CCDC170: variants seen among roughly 807,000 people sequenced by gnomAD.
The protein encoded by CCDC170 is coiled-coil domain containing 170.
CCDC170 carries 69 observed loss-of-function variants against 72.6 expected under a neutral mutation model. That is an observed-to-expected ratio of 0.95 (90% CI 0.78 to 1.16). CCDC170 has a LOEUF of 1.16. CCDC170 is among the 50% of genes most tolerant of loss of function. CCDC170 has a pLI of 0.00. For missense variants in CCDC170, 852 were observed against 832.5 expected, an observed-to-expected ratio of 1.02 and a Z score of -0.29; for synonymous variants, 300 against 303.9, an observed-to-expected ratio of 0.99 and a Z score of 0.13.
In CCDC170 at chr6:151,619,563, C is replaced by T. The variant is rs1777027225; in HGVS notation, c.*1416C>T. 1 of 152,030 alleles carries T rather than the reference C, an allele frequency of 6.6e-6. No individual in the cohort carries two copies. 9.4% of individuals were successfully genotyped at this position (152,030 alleles called of 1,614,324 possible). ...AAGAAATAGATCTGGTGCACCCGAA[C>T]ATTAGGAGAAAATGAAAAATATACA... On this transcript the variant is annotated 3_prime_UTR_variant, in exon 11 of 11. Transcript: ENST00000239374.
rs143566047 is a variant in CCDC170, at chr6:151,618,075, C to G, written c.2076C>G (p.Thr692=). Residue 692 remains threonine, a synonymous_variant, in exon 11 of 11, where the codon ACC becomes ACG. Coordinates refer to ENST00000239374, the MANE Select transcript of CCDC170 (RefSeq NM_025059.4). ...LVHSHQHHFV[T]CACLKDVTTG... is the part of the protein sequence containing the mutation. Reference sequence around the variant, plus strand: ...ATTCACATCAGCATCACTTTGTTACCTGTGCCTGCCTCAAAGATGTGACTA... The same window carrying G: ...ATTCACATCAGCATCACTTTGTTACGTGTGCCTGCCTCAAAGATGTGACTA... 2,955 of 1,614,142 alleles carry G rather than the reference C, an allele frequency of 1.8e-3. 4 individuals carry two copies. The highest frequency in any genetic ancestry group is 2.1e-3 in the Non-Finnish European group (2,495 of 1,180,022).
chr6:151,615,297 A>C, intron 9 of CCDC170, 146 bp from the exon 10 acceptor site: 1 of 692,546 alleles, frequency 1.4e-6, no homozygotes, highest in Non-Finnish European at 2.5e-6. Context: ...TATGCTTAGC[A>C]AAATCTCTAA....
At position 151,575,750 on chromosome 6, in the gene CCDC170, G is replaced by A. The variant is rs370147454; in HGVS notation, c.1092+2259G>A. Among the ~76,000 whole-genome samples, 864 of 151,766 alleles carry A rather than the reference G, an allele frequency of 5.7e-3. 12 individuals carry two copies. The highest frequency in any genetic ancestry group is 0.02 in the African/African-American group (832 of 41,416). On this transcript the variant is annotated intron_variant, in intron 6 of 10. Coordinates refer to ENST00000239374, the MANE Select transcript of CCDC170 (RefSeq NM_025059.4). ...TCACCATGTTGGCCAGGATGGTCTC[G>A]ATCTCTTGACCTTGTGATCCACCCG...
chr6:151,566,228 C>T lies in CCDC170; in HGVS notation c.775-6946C>T, dbSNP rs1206998272. 2.6e-5 allele frequency among the ~76,000 whole-genome samples: 4 copies of T among 152,322 alleles called. No individual in the cohort carries two copies. The East Asian group carries it at 7.7e-4, about 29-fold the overall frequency. On this transcript the variant is annotated intron_variant, in intron 5 of 10. Transcript: ENST00000239374. ...CTCTGAAGATTCCATTCTATTGGCT[C>T]ATGGGCCTGAGCAGGAGAAACCTAA...
intron 1 of CCDC170, among the ~76,000 whole-genome samples, chr6:151,531,436 C>CT (rs1267646360): frequency 6.6e-6 from 1 of 152,136 alleles, no homozygotes; most frequent in Non-Finnish European, 1.5e-5. Flanking sequence ...AACCCTGTCT[C>CT]TACCAAAAAT....
chr6:151,494,102 C>T lies in CCDC170; in HGVS notation c.-27C>T. On this transcript the variant is annotated 5_prime_UTR_variant, in exon 1 of 11. Transcript: ENST00000239374. Reference sequence around the variant, plus strand: ...GCTTCCTCAGGGCCGGTTCCGGGTCCGAGCGCGCCCCCGGGCTCGGGTCGT... The same window carrying T: ...GCTTCCTCAGGGCCGGTTCCGGGTCTGAGCGCGCCCCCGGGCTCGGGTCGT... 6.7e-7 allele frequency: 1 copy of T among 1,491,276 alleles called. No homozygotes were observed. Among genetic ancestry groups the T allele is most frequent in the Non-Finnish European group, 8.9e-7 (1 of 1,127,704 alleles). The allele number at this position is 1,491,276 out of a possible 1,614,324, so 92.4% of individuals were successfully genotyped here.
intron 2 of CCDC170, among the ~76,000 whole-genome samples, chr6:151,537,342 G>A (rs1782605496): frequency 6.6e-6 from 1 of 152,206 alleles, no homozygotes; most frequent in Non-Finnish European, 1.5e-5. Context: ...GATAATGTGT[G>A]TGTGAATAAA....
At chr6:151,536,773 CAAAAAAAAAAAAAAAAAAA>C (rs55663799) in intron 2 of CCDC170, among the ~76,000 whole-genome samples, 2 of 79,260 alleles carry the variant, frequency 2.5e-5, no homozygotes, top group Non-Finnish European at 4.4e-5. Context: ...GACTCCATCT[CAAAAAAAAAAAAAAAAAAA>C]AAAAAAGAAA....
intron 7 of CCDC170, 103 bp downstream of exon 7, chr6:151,586,192 T>G: frequency 8.9e-7 from 1 of 1,128,306 alleles, no homozygotes; most frequent in Non-Finnish European, 1.2e-6. Context: ...GGTTAAGTCC[T>G]GGACTTAATT....
At chr6:151,560,540 G>A (rs1783060416) in intron 5 of CCDC170, among the ~76,000 whole-genome samples, 1 of 152,058 alleles carries the variant, frequency 6.6e-6, no homozygotes, top group Admixed American at 6.5e-5. Flanking sequence ...TTAATGATCT[G>A]CCTATTGCTG....
chr6:151,541,884 ATATTTT>A lies in CCDC170; in HGVS notation c.444-2686_444-2681del, dbSNP rs1369955332. 1.9e-4 allele frequency among the ~76,000 whole-genome samples: 6 copies of A among 32,060 alleles called. No homozygotes were observed. The East Asian group carries it at 3.1e-3, about 16-fold the overall frequency. The allele number at this position is 32,060 out of a possible 152,430, so 21.0% of individuals were successfully genotyped here. Reference sequence around the variant, plus strand: ...AATATAAATATATATATATATATATATATTTTTTTTTTTAAGACAGAGTCTTGCTTT... The same window carrying A: ...AATATAAATATATATATATATATATATTTTTTTAAGACAGAGTCTTGCTTT... On this transcript the variant is annotated intron_variant, in intron 3 of 10. Coordinates refer to ENST00000239374, the MANE Select transcript of CCDC170 (RefSeq NM_025059.4).
intron 5 of CCDC170, among the ~76,000 whole-genome samples, chr6:151,552,938 C>T (rs1782907621): frequency 6.6e-6 from 1 of 151,852 alleles, no homozygotes; most frequent in African/African-American, 2.4e-5. Context: ...AGGCACGTGC[C>T]ACTATGCTTG....
In CCDC170 at chr6:151,592,645, C is replaced by T. The variant is rs141812119; in HGVS notation, c.1294-462C>T. ...GCCCCCATGATTCAATTATCTTCCACTAGGTCCCTCCCACAACATGTGGGA... is the reference window on the plus strand; with the variant it reads ...GCCCCCATGATTCAATTATCTTCCATTAGGTCCCTCCCACAACATGTGGGA... On this transcript the variant is annotated intron_variant, in intron 7 of 10. Transcript: ENST00000239374. Among the ~76,000 whole-genome samples the T allele has an allele frequency of 3.6e-3, 542 of 152,282 alleles. 3 individuals carry two copies. Among genetic ancestry groups the T allele is most frequent in the Middle Eastern group, 6.8e-3 (2 of 294 alleles).
chr6:151,514,366 AG>A (rs1309638087), intron 1 of CCDC170, among the ~76,000 whole-genome samples: 3 of 33,148 alleles, frequency 9.1e-5, no homozygotes, highest in African/African-American at 1.8e-4. Flanking sequence ...GGAGGGAGGG[AG>A]GGAGGGAGGA....
At position 151,596,318 on chromosome 6, in the gene CCDC170, T is replaced by G. The variant is rs765125207; in HGVS notation, c.1468-17T>G. 3.2e-6 allele frequency: 5 copies of G among 1,576,346 alleles called. No homozygotes were observed. In the South Asian group the frequency reaches 5.9e-5, roughly 19 times the overall value. On this transcript the variant is annotated splice_polypyrimidine_tract_variant and intron_variant, in intron 8 of 10. Transcript: ENST00000239374. ...GTTCAATTATTAAAAAAAAAATCCC[T>G]GTTTGCATCAAACCAGCTAAAGACA... is the stretch of plus-strand genomic sequence containing the variant.
At chr6:151,528,040 GA>G (rs1180386142) in intron 1 of CCDC170, among the ~76,000 whole-genome samples, 1 of 152,038 alleles carries the variant, frequency 6.6e-6, no homozygotes, top group Non-Finnish European at 1.5e-5. Flanking sequence ...ATTGAGCTTT[GA>G]AACCACCCTT....
chr6:151,555,021 G>C (rs1262791027), intron 5 of CCDC170, among the ~76,000 whole-genome samples: 2 of 151,548 alleles, frequency 1.3e-5, no homozygotes, highest in Non-Finnish European at 2.9e-5. Context: ...TGGGACTACA[G>C]GCACCTACTA....
chr6:151,560,793 G>T (rs1783064822), intron 5 of CCDC170, among the ~76,000 whole-genome samples: 1 of 151,932 alleles, frequency 6.6e-6, no homozygotes, highest in Non-Finnish European at 1.5e-5. Flanking sequence ...GCTCTTTTCT[G>T]TTTTCCATTT....
chr6:151,526,396 AT>A (rs1484892702), intron 1 of CCDC170, among the ~76,000 whole-genome samples: 1 of 147,812 alleles, frequency 6.8e-6, no homozygotes, highest in African/African-American at 2.5e-5. Flanking sequence ...TAATTTTTGT[AT>A]TTTTTGTAGA....
Sources: allele counts gnomAD v4.1 joint callset (sites outside exome capture counted in the v4.1 genomes callset), GRCh38; gene constraint gnomAD v4.1.1; transcripts MANE v1.5; gene names NCBI Gene and HGNC (gene_info 2026-07-23, HGNC 2026-07-21).